Variants in NPAS2 observed in about 807,000 individuals in gnomAD.
The protein encoded by NPAS2 is neuronal PAS domain protein 2.
A neutral mutation model predicts 107.5 loss-of-function variants in NPAS2; 23 were observed. The ratio of observed to expected loss-of-function variants is 0.21; its 90% confidence interval spans 0.15 to 0.30. The LOEUF (loss-of-function observed/expected upper bound fraction) is 0.30. Among genes scored for constraint, NPAS2 ranks in the 10% least tolerant of loss-of-function variants. The pLI, the probability that NPAS2 is intolerant of heterozygous loss-of-function variation, is 1.00. For synonymous variants in NPAS2, 403 were observed against 417.5 expected (o/e 0.97, Z 0.42); for missense variants, 756 against 1,043.3 (o/e 0.72, Z 3.79).
At position 100,976,261 on chromosome 2, in the gene NPAS2, G is replaced by A. The variant is rs1243494576; in HGVS notation, c.1392+694G>A. Among the ~76,000 whole-genome samples, 1 of 152,072 alleles carries A rather than the reference G, an allele frequency of 6.6e-6. No individual in the cohort carries two copies. Among genetic ancestry groups the A allele is most frequent in the Non-Finnish European group, 1.5e-5 (1 of 68,020 alleles). ...CTGCACATGAATGTCCAGCAGCCGG[G>A]CTGGGTGGCTGAGGGCTGGGCTCAG... On this transcript the variant is annotated intron_variant, in intron 14 of 20. Coordinates refer to ENST00000335681, the MANE Select transcript of NPAS2 (RefSeq NM_002518.4). The surrounding 1 kb of genome is among the most constrained non-coding windows in gnomAD (Gnocchi z 4.1).
At chr2:100,865,916 G>C (rs1353914099) in intron 1 of NPAS2, among the ~76,000 whole-genome samples, 1 of 152,170 alleles carries the variant, frequency 6.6e-6, no homozygotes, top group African/African-American at 2.4e-5. Flanking sequence ...TGCTTGCCTA[G>C]ACCCTGGCCC....
chr2:100,935,086 C>T (rs1684215435), intron 4 of NPAS2: 2 of 982,358 alleles, frequency 2.0e-6, no homozygotes, highest in South Asian at 4.7e-5. Context: ...CAAAATTGAC[C>T]TGGCTGAAAA....
chr2:100,831,917 C>T (rs937704058), intron 1 of NPAS2, among the ~76,000 whole-genome samples: 34 of 152,068 alleles, frequency 2.2e-4, no homozygotes, highest in African/African-American at 7.2e-4. Flanking sequence ...CCTGCAAACC[C>T]ATATTCTTTT....
Position 100,995,974 on chromosome 2 carries a change from C to T in NPAS2, c.*392C>T, listed in dbSNP as rs183873712. On this transcript the variant is annotated 3_prime_UTR_variant, in exon 21 of 21. Transcript: ENST00000335681. ...AGCTGGCCTTCACGCTCTTGATCGT[C>T]TTTCCTTTGTATTGGAGAAGGACTG... The T allele has an allele frequency of 5.8e-4, 758 of 1,307,186 alleles. 1 individual carries two copies. In the African/African-American group the frequency reaches 9.9e-3, roughly 17 times the overall value. The allele number at this position is 1,307,186 out of a possible 1,614,324, so 81.0% of individuals were successfully genotyped here. A position where few individuals can be genotyped will look rare whatever the true frequency, so the allele number is the denominator to read the frequency against.
intron 1 of NPAS2, among the ~76,000 whole-genome samples, chr2:100,833,460 A>G (rs1206038120): frequency 6.6e-6 from 1 of 152,160 alleles, no homozygotes; most frequent in Non-Finnish European, 1.5e-5. Flanking sequence ...TGAATGAAGT[A>G]CTTGGTTTTT....
chr2:100,857,960 T>A (rs1223530136), intron 1 of NPAS2, among the ~76,000 whole-genome samples: 2 of 152,196 alleles, frequency 1.3e-5, no homozygotes, highest in Non-Finnish European at 2.9e-5. Flanking sequence ...TGTAGGCAAG[T>A]TGGAAAACTG....
intron 6 of NPAS2, among the ~76,000 whole-genome samples, chr2:100,949,109 A>T (rs147202716): frequency 6.6e-6 from 1 of 152,240 alleles, no homozygotes; most frequent in Non-Finnish European, 1.5e-5. Flanking sequence ...CAATGCCAAC[A>T]TTACCAACCA....
At chr2:100,917,937 A>C (rs1682990582) in intron 2 of NPAS2, among the ~76,000 whole-genome samples, 1 of 152,210 alleles carries the variant, frequency 6.6e-6, no homozygotes, top group African/African-American at 2.4e-5. Context: ...AATACTTTGG[A>C]GTTTATTTTA....
intron 2 of NPAS2, among the ~76,000 whole-genome samples, chr2:100,905,950 G>A (rs1682121773): frequency 6.6e-6 from 1 of 152,120 alleles, no homozygotes; most frequent in Non-Finnish European, 1.5e-5. Flanking sequence ...AAGGCATAAG[G>A]GGAGTCTGGG....
chr2:100,967,742 T>TG (rs1042275146), intron 10 of NPAS2, among the ~76,000 whole-genome samples: 4 of 152,100 alleles, frequency 2.6e-5, no homozygotes, highest in African/African-American at 9.6e-5. Context: ...GACATCACTA[T>TG]GGGGGGGCTG....
In NPAS2 at chr2:100,949,455, A is replaced by G. The variant is rs1170015003; in HGVS notation, c.573A>G (p.Val191=). 3 of 1,608,144 alleles carry G rather than the reference A, an allele frequency of 1.9e-6. No individual in the cohort carries two copies. Among genetic ancestry groups the G allele is most frequent in the East Asian group, 2.2e-5 (1 of 44,868 alleles). The change falls in exon 7 of 21, where the codon GTA becomes GTG. Residue 191 remains valine (V), a synonymous_variant. Coordinates refer to ENST00000335681, the MANE Select transcript of NPAS2 (RefSeq NM_002518.4). Reference sequence around the variant, plus strand: ...CAACTTATGAATACATAAAATTTGTAGGAAATTTTCGCTCTTACAACAATG... The same window carrying G: ...CAACTTATGAATACATAAAATTTGTGGGAAATTTTCGCTCTTACAACAATG... The part of the protein sequence containing the change: ...EFPTYEYIKF[V]GNFRSYNNVP...
At chr2:100,920,898 G>C (rs1221350968) in intron 2 of NPAS2, among the ~76,000 whole-genome samples, 1 of 152,208 alleles carries the variant, frequency 6.6e-6, no homozygotes, top group African/African-American at 2.4e-5. Context: ...CAGTGGGAAA[G>C]GCCACTCCTC....
chr2:100,832,654 C>T (rs1017156778), intron 1 of NPAS2, among the ~76,000 whole-genome samples: 2 of 152,116 alleles, frequency 1.3e-5, no homozygotes, highest in East Asian at 3.9e-4. Context: ...CCCAGAAGAA[C>T]GTTGCTGCTG....
chr2:100,898,951 G>A (rs761951763), intron 1 of NPAS2, among the ~76,000 whole-genome samples: 18 of 152,308 alleles, frequency 1.2e-4, no homozygotes, highest in Non-Finnish European at 2.5e-4. Flanking sequence ...GATGTGATAA[G>A]AAGGACACTT....
chr2:100,973,856 T>A lies in NPAS2; in HGVS notation c.1141-947T>A, dbSNP rs192286395. ...AACCTTTGTTTGGTTTATTATTATT[T>A]TTTTAGACAGAGTCTCACTATGTTG... On this transcript the variant is annotated intron_variant, in intron 12 of 20. Transcript: ENST00000335681. Among the ~76,000 whole-genome samples the A allele has an allele frequency of 2.5e-3, 375 of 152,326 alleles. 3 individuals carry two copies. Among genetic ancestry groups the A allele is most frequent in the Middle Eastern group, 0.01 (3 of 294 alleles).
At chr2:100,901,298 T>C (rs1257895533) in intron 1 of NPAS2, among the ~76,000 whole-genome samples, 2 of 151,752 alleles carry the variant, frequency 1.3e-5, no homozygotes, top group Non-Finnish European at 2.9e-5. Context: ...GCTCAGGTTG[T>C]TCTGGGAACC....
At chr2:100,933,378 C>T (rs1351177519) in intron 4 of NPAS2, among the ~76,000 whole-genome samples, 1 of 152,184 alleles carries the variant, frequency 6.6e-6, no homozygotes, top group Non-Finnish European at 1.5e-5. Context: ...TCTTAGACTG[C>T]TATGATTATA....
rs1678820037 is a variant in NPAS2, at chr2:100,859,764, G to GGGTT, written c.-23+39362_-23+39365dup. On this transcript the variant is annotated intron_variant, in intron 1 of 20. Coordinates refer to ENST00000335681, the MANE Select transcript of NPAS2 (RefSeq NM_002518.4). ...CAGTGGGAAAGCGGTAAGGGTGGGTGGGTTGGTTGGTTGGTGTTAACTTTT... is the reference window on the plus strand; with the variant it reads ...CAGTGGGAAAGCGGTAAGGGTGGGTGGGTTGGTTGGTTGGTTGGTGTTAACTTTT... Among the ~76,000 whole-genome samples the GGGTT allele has an allele frequency of 2.6e-5, 4 of 152,266 alleles. No homozygotes were observed. In the South Asian group the frequency reaches 8.3e-4, roughly 32 times the overall value.
rs1297181109 is a variant in NPAS2 at position 100,976,007 on chromosome 2, G to C, written c.1392+440G>C. On this transcript the variant is annotated intron_variant, in intron 14 of 20. Transcript: ENST00000335681. This position sits in a 1 kb window ranked among gnomAD's most constrained non-coding sequence, Gnocchi z 4.1. ...GTGCCAGATCCTTCCAGAACATCGGGATGTATGGCCCTGGCTATATGTAAA... is the reference window on the plus strand; with the variant it reads ...GTGCCAGATCCTTCCAGAACATCGGCATGTATGGCCCTGGCTATATGTAAA... Among the ~76,000 whole-genome samples the C allele has an allele frequency of 1.3e-5, 2 of 152,142 alleles. No homozygotes were observed. Among genetic ancestry groups the C allele is most frequent in the Non-Finnish European group, 2.9e-5 (2 of 68,040 alleles).
Sources: gnomAD v4.1 joint callset for allele counts (sites outside exome capture counted in the v4.1 genomes callset) on GRCh38, gnomAD v4.1.1 for gene constraint, Gnocchi (gnomAD v3.1) non-coding constraint, MANE v1.5 for transcripts, NCBI Gene and HGNC (gene_info 2026-07-23, HGNC 2026-07-21) for gene names.